Variants in FIG4 observed in about 807,000 individuals in gnomAD.
FIG4 encodes FIG4 phosphoinositide 5-phosphatase.
FIG4 carries 112 observed loss-of-function variants against 118.6 expected under a neutral mutation model. The ratio of observed to expected loss-of-function variants is 0.94; its 90% CI spans 0.81 to 1.11. The LOEUF is 1.11. FIG4 is among the 50% of genes least tolerant of loss of function. The pLI is 0.00. For synonymous variants in FIG4, 369 were observed against 381.2 expected (o/e 0.97, Z 0.37); for missense variants, 969 against 1,111.7 (o/e 0.87, Z 1.83).
chr6:109,785,456 G>T (rs1187832414), intron 17 of FIG4, among the ~76,000 whole-genome samples: 1 of 152,158 alleles, frequency 6.6e-6, no homozygotes, highest in Non-Finnish European at 1.5e-5. Context: ...ACAGATGCAT[G>T]TATAAAAGTA....
intron 15 of FIG4, among the ~76,000 whole-genome samples, chr6:109,769,287 A>G (rs1030094316): frequency 2.0e-5 from 3 of 152,092 alleles, no homozygotes; most frequent in East Asian, 1.9e-4. Flanking sequence ...GTAGCTGTCC[A>G]TGTTTAAAAA....
At chr6:109,738,194 A>G in intron 6 of FIG4, 131 bp from the exon 7 acceptor site, 2 of 769,276 alleles carry the variant, frequency 2.6e-6, no homozygotes, top group Admixed American at 2.1e-5. Flanking sequence ...CTTTGAAGTT[A>G]AAAACAGAAG....
At chr6:109,782,061 A>G (rs1171448222) in intron 16 of FIG4, among the ~76,000 whole-genome samples, 2 of 152,176 alleles carry the variant, frequency 1.3e-5, no homozygotes, top group Non-Finnish European at 2.9e-5. Flanking sequence ...TAGACAGTGT[A>G]AAAATTTTCC....
At chr6:109,800,839 GAA>G (rs1039199802) in intron 22 of FIG4, among the ~76,000 whole-genome samples, 1 of 151,714 alleles carries the variant, frequency 6.6e-6, no homozygotes, top group African/African-American at 2.4e-5. Flanking sequence ...CTGAGAGAGA[GAA>G]AAAAAATAAG....
At chr6:109,809,664 C>T (rs1056604498) in intron 22 of FIG4, among the ~76,000 whole-genome samples, 6 of 152,110 alleles carry the variant, frequency 3.9e-5, no homozygotes, top group African/African-American at 1.4e-4. Context: ...ATATCTGTGA[C>T]TGGTTGAAGA....
chr6:109,787,632 C>CTGCTGTACAT (rs1778015369), intron 18 of FIG4, among the ~76,000 whole-genome samples: 1 of 152,130 alleles, frequency 6.6e-6, no homozygotes, highest in Non-Finnish European at 1.5e-5. Flanking sequence ...ATTTAAGGAC[C>CTGCTGTACAT]TGCTGTACAT....
chr6:109,818,188 C>T lies in FIG4; in HGVS notation c.2547-6900C>T, dbSNP rs534313168. 4.0e-4 allele frequency among the ~76,000 whole-genome samples: 61 copies of T among 151,966 alleles called. No homozygotes were observed. The South Asian group carries it at 0.011, about 27-fold the overall frequency. The stretch of plus-strand genomic sequence containing the variant: ...AGTAAGACATTTTGAGAGATGGAGA[C>T]GCTATTCACATAACTTTTTTTTTTT... On this transcript the variant is annotated intron_variant, in intron 22 of 22. Coordinates refer to ENST00000230124, the MANE Select transcript of FIG4 (RefSeq NM_014845.6).
intron 22 of FIG4, among the ~76,000 whole-genome samples, chr6:109,823,164 G>A (rs553966853): frequency 6.6e-6 from 1 of 152,126 alleles, no homozygotes; most frequent in Non-Finnish European, 1.5e-5. Flanking sequence ...TGTCTTTCTT[G>A]TTGGTCTGTC....
chr6:109,760,364 A>T lies in FIG4; in HGVS notation c.1252A>T (p.Met418Leu). 5.6e-6 allele frequency: 9 copies of T among 1,612,680 alleles called. No homozygotes were observed. Among genetic ancestry groups the T allele is most frequent in the Non-Finnish European group, 7.6e-6 (9 of 1,178,756 alleles). Residue 418 changes from methionine to leucine, a missense_variant, in exon 11 of 23, where the codon ATG (methionine) becomes TTG (leucine). This residue lies in a region of FIG4 where 246 missense variants were observed against 354.3 expected (regional missense o/e 0.69). Coordinates refer to ENST00000230124, the MANE Select transcript of FIG4 (RefSeq NM_014845.6). The stretch of plus-strand genomic sequence containing the variant: ...CACTATTGTTTATATTCCCTGGGAC[A>T]TGGCCAAGTATACCAAAAGGTGAAT... The part of the protein sequence containing the change: ...EHTIVYIPWD[M>L]AKYTKSKLCN...
In FIG4 at chr6:109,732,659, G is replaced by A. The variant is rs1455052760; in HGVS notation, c.469G>A (p.Val157Met). The A allele has an allele frequency of 8.9e-6, 13 of 1,462,784 alleles. No homozygotes were observed. Among genetic ancestry groups the A allele is most frequent in the Non-Finnish European group, 1.2e-5 (13 of 1,053,684 alleles). The allele number at this position is 1,462,784 out of a possible 1,614,324, so 90.6% of individuals were successfully genotyped here. A position where few individuals can be genotyped will look rare whatever the true frequency, so the allele number is the denominator to read the frequency against. Reference sequence around the variant, plus strand: ...TAGGTATCTACGAATATTTCAAAATGTGGACCTATCTAGCAATTTTTACTT... The same window carrying A: ...TAGGTATCTACGAATATTTCAAAATATGGACCTATCTAGCAATTTTTACTT... Reference protein sequence around the residue: ...EARYLRIFQNVDLSSNFYFSY... With the variant: ...EARYLRIFQNMDLSSNFYFSY... The change falls in exon 5 of 23, where the codon GTG (valine) becomes ATG (methionine). Residue 157 changes from valine (V) to methionine (M), a missense_variant. By Grantham distance (21) the Val-to-Met change is conservative. Around this residue, in one of 3 missense-constraint regions of FIG4, gnomAD observed 393 missense variants for 409.4 expected, o/e 0.96. Transcript: ENST00000230124.
chr6:109,727,124 T>A lies in FIG4; in HGVS notation c.305T>A (p.Leu102Ter). The change falls in exon 4 of 23, where the codon TTA (leucine) becomes TAA (stop). Residue 102 changes from leucine (L) to a stop codon, truncating the protein, a stop_gained. Coordinates refer to ENST00000230124, the MANE Select transcript of FIG4 (RefSeq NM_014845.6). LOFTEE classifies it high-confidence loss of function. ...AFGVVGFVRFLEGYYIVLITK... is the reference protein window; with the variant it reads ...AFGVVGFVRF ...TGTTGCATAGGTTTTGTCAGGTTCT[T>A]AGAAGGCTATTATATTGTGTTAATA... 6.2e-7 allele frequency: 1 copy of A among 1,611,126 alleles called. No homozygotes were observed.
At chr6:109,782,346 C>T (rs1230411763) in intron 16 of FIG4, among the ~76,000 whole-genome samples, 1 of 152,130 alleles carries the variant, frequency 6.6e-6, no homozygotes, top group Non-Finnish European at 1.5e-5. Context: ...AGCTTATCTT[C>T]CCCAAGGCAG....
At position 109,801,904 on chromosome 6, in the gene FIG4, G is replaced by A. The variant is rs1778438234; in HGVS notation, c.2546+5053G>A. On this transcript the variant is annotated intron_variant, in intron 22 of 22. Transcript: ENST00000230124. ...TAGATACTGCTGTGGTCTCTGTGCAGCAAGCTGAATAAGTATTTCTGCCTT... is the reference window on the plus strand; with the variant it reads ...TAGATACTGCTGTGGTCTCTGTGCAACAAGCTGAATAAGTATTTCTGCCTT... Among the ~76,000 whole-genome samples, 3 of 152,196 alleles carry A rather than the reference G, an allele frequency of 2.0e-5. No homozygotes were observed. The South Asian group carries it at 6.2e-4, about 32-fold the overall frequency.
In FIG4 at chr6:109,715,136, A is replaced by G. The variant is rs780739049; in HGVS notation, c.125A>G (p.Asp42Gly). ...AETKYRVLKI[D>G]RTEPKDLVII... is the part of the protein sequence containing the mutation. The stretch of plus-strand genomic sequence containing the variant: ...ACGAAATATCGTGTCTTGAAGATTG[A>G]TAGAACAGAACCAAAAGATTTGGTC... The change falls in exon 2 of 23, where the codon GAT becomes GGT. Residue 42 changes from aspartate to glycine, a missense_variant. Coordinates refer to ENST00000230124, the MANE Select transcript of FIG4 (RefSeq NM_014845.6). 2 of 1,607,910 alleles carry G rather than the reference A, an allele frequency of 1.2e-6. No individual in the cohort carries two copies. Among genetic ancestry groups the G allele is most frequent in the South Asian group, 2.2e-5 (2 of 90,968 alleles).
At chr6:109,768,135 C>G (rs1777339638) in intron 15 of FIG4, among the ~76,000 whole-genome samples, 1 of 152,090 alleles carries the variant, frequency 6.6e-6, no homozygotes, top group Non-Finnish European at 1.5e-5. Context: ...TGACTGGTAA[C>G]CGGATGTGGG....
intron 15 of FIG4, among the ~76,000 whole-genome samples, chr6:109,772,526 G>A (rs1464080603): frequency 2.0e-5 from 3 of 151,914 alleles, no homozygotes; most frequent in East Asian, 1.9e-4. Flanking sequence ...GCGCAATCTC[G>A]GCTCACCACA....
chr6:109,762,001 T>A (rs1408498855), intron 11 of FIG4, 90 bp from the exon 12 acceptor site: 1 of 780,694 alleles, frequency 1.3e-6, no homozygotes, highest in Non-Finnish European at 2.3e-6. Flanking sequence ...TTAAGTATCA[T>A]TGCTATAGAC....
intron 14 of FIG4, 68 bp downstream of exon 14, chr6:109,765,229 T>C: frequency 1.5e-6 from 2 of 1,357,424 alleles, no homozygotes; most frequent in Non-Finnish European, 2.1e-6. Flanking sequence ...CTAATAAGAT[T>C]TTTTTATGAA....
intron 22 of FIG4, among the ~76,000 whole-genome samples, chr6:109,798,323 G>C (rs763551496): frequency 1.4e-4 from 21 of 152,062 alleles, no homozygotes; most frequent in Non-Finnish European, 2.5e-4. Context: ...TAGGTTTTTT[G>C]GTTTGTGTAA....
Sources: allele counts gnomAD v4.1 joint callset (sites outside exome capture counted in the v4.1 genomes callset), GRCh38; gene constraint gnomAD v4.1.1; regional missense constraint gnomAD v4.1.1; transcripts MANE v1.5; gene names NCBI Gene and HGNC (gene_info 2026-07-23, HGNC 2026-07-21).